Variants in MAGI1 observed in about 807,000 individuals in gnomAD.
MAGI1 encodes the protein membrane associated guanylate kinase, WW and PDZ domain containing 1, also known as membrane-associated guanylate kinase, WW and PDZ domain-containing protein 1.
Under a neutral mutation model 139.9 loss-of-function variants are expected in MAGI1, and 58 were observed. That is an observed-to-expected ratio of 0.41 (90% confidence interval 0.34 to 0.52). MAGI1 has a LOEUF of 0.52. MAGI1 is among the 20% of genes least tolerant of loss of function. The pLI is 0.12. For synonymous variants in MAGI1, 812 were observed against 737.9 expected (o/e 1.10, Z -1.63); for missense variants, 1,874 against 1,901.6 (o/e 0.99, Z 0.27).
At chr3:65,971,557 G>A (rs780247111) in intron 1 of MAGI1, among the ~76,000 whole-genome samples, 6 of 152,144 alleles carry the variant, frequency 3.9e-5, no homozygotes, top group Non-Finnish European at 7.3e-5. Context: ...CCTCCACCCT[G>A]AAAGGAAATA....
chr3:65,753,211 T>C (rs1474795876), intron 1 of MAGI1, among the ~76,000 whole-genome samples: 1 of 152,092 alleles, frequency 6.6e-6, no homozygotes, highest in Admixed American at 6.5e-5. Context: ...ACCACAGGGA[T>C]GCATTGCAAA....
intron 1 of MAGI1, among the ~76,000 whole-genome samples, chr3:65,648,395 C>A (rs151150040): frequency 6.6e-6 from 1 of 152,116 alleles, no homozygotes; most frequent in Non-Finnish European, 1.5e-5. Context: ...AGGGATCTTC[C>A]TGCCTCAGCC....
At chr3:65,995,150 G>C (rs17821881) in intron 1 of MAGI1, among the ~76,000 whole-genome samples, 11,387 of 152,230 alleles carry the variant, frequency 0.075, 594 homozygotes, top group South Asian at 0.12. Context: ...AACTCGGAAG[G>C]AACCGTGATC....
chr3:65,732,813 T>C (rs759919391), intron 1 of MAGI1, among the ~76,000 whole-genome samples: 1 of 152,096 alleles, frequency 6.6e-6, no homozygotes, highest in Non-Finnish European at 1.5e-5. Context: ...TTAAACTATA[T>C]GCTAAGAAGT....
Position 65,793,591 on chromosome 3 carries a change from T to C in MAGI1, c.314-171503A>G, listed in dbSNP as rs973889086. Among the ~76,000 whole-genome samples the C allele has an allele frequency of 3.9e-5, 6 of 152,194 alleles. No individual in the cohort carries two copies. In the East Asian group the frequency reaches 9.6e-4, roughly 24 times the overall value. On this transcript the variant is annotated intron_variant, in intron 1 of 22. Coordinates refer to ENST00000402939, the MANE Select transcript of MAGI1 (RefSeq NM_001033057.2). ...ATAAATTAAAGAATTAGAATAACCA[T>C]TGAGCTCACTTCAAGGGTTGAGCCT...
rs372941378 is a variant in MAGI1 at position 65,707,533 on chromosome 3, T to A, written c.314-85445A>T. 1.5e-3 allele frequency among the ~76,000 whole-genome samples: 228 copies of A among 151,884 alleles called. 1 individual carries two copies. Among genetic ancestry groups the A allele is most frequent in the African/African-American group, 5.1e-3 (212 of 41,414 alleles). Reference sequence around the variant, plus strand: ...GACACTGTCTCTCTAACAAAAAAAATTTTTTAAATAGTCAGGCATGGTTGT... The same window carrying A: ...GACACTGTCTCTCTAACAAAAAAAAATTTTTAAATAGTCAGGCATGGTTGT... On this transcript the variant is annotated intron_variant, in intron 1 of 22. Coordinates refer to ENST00000402939, the MANE Select transcript of MAGI1 (RefSeq NM_001033057.2).
chr3:65,446,665 A>C (rs1948696564), intron 7 of MAGI1, among the ~76,000 whole-genome samples: 1 of 152,204 alleles, frequency 6.6e-6, no homozygotes, highest in East Asian at 1.9e-4. Context: ...TAAGACACTC[A>C]TTTTGTGTCT....
At chr3:65,507,508 T>C (rs1220352462) in intron 2 of MAGI1, among the ~76,000 whole-genome samples, 1 of 152,224 alleles carries the variant, frequency 6.6e-6, no homozygotes, top group Admixed American at 6.5e-5. Context: ...ACTCTGGTGT[T>C]GTTCGTAACA....
chr3:65,651,096 T>C (rs919800998), intron 1 of MAGI1, among the ~76,000 whole-genome samples: 1 of 152,170 alleles, frequency 6.6e-6, no homozygotes, highest in African/African-American at 2.4e-5. Context: ...TTCTGCTAAT[T>C]TATTTTATGA....
At chr3:65,898,615 T>C (rs2061083666) in intron 1 of MAGI1, among the ~76,000 whole-genome samples, 1 of 152,146 alleles carries the variant, frequency 6.6e-6, no homozygotes, top group Non-Finnish European at 1.5e-5. Context: ...CCTATTATTT[T>C]GAAACACTTA....
intron 15 of MAGI1, among the ~76,000 whole-genome samples, chr3:65,382,731 C>T (rs1048098980): frequency 2.8e-4 from 43 of 152,128 alleles, no homozygotes; most frequent in Admixed American, 8.5e-4. Flanking sequence ...AACATGAACT[C>T]GAGTCAGACC....
chr3:65,754,222 T>C (rs12639281), intron 1 of MAGI1, among the ~76,000 whole-genome samples: 40,568 of 151,988 alleles, frequency 0.27, 6,319 homozygotes, highest in East Asian at 0.57. Flanking sequence ...GAATTTTGAT[T>C]ACCGCAACAA....
At chr3:65,466,231 C>G (rs1950164446) in intron 5 of MAGI1, among the ~76,000 whole-genome samples, 1 of 152,140 alleles carries the variant, frequency 6.6e-6, no homozygotes, top group African/African-American at 2.4e-5. Context: ...GCTGTTATCG[C>G]TGTGTTAGTA....
Position 65,356,839 on chromosome 3 carries a change from C to G in MAGI1, c.3928G>C (p.Glu1310Gln). 1.2e-6 allele frequency: 2 copies of G among 1,612,880 alleles called. No individual in the cohort carries two copies. Reference sequence around the variant, plus strand: ...GGGCCGTTGGCGGCTGCCGCGCGCTCGGCCTGCGCGTCCCTCCGTCCCTCC... The same window carrying G: ...GGGCCGTTGGCGGCTGCCGCGCGCTGGGCCTGCGCGTCCCTCCGTCCCTCC... The part of the protein sequence containing the change: ...APEGRRDAQA[E>Q]RAAAANGPKR... The change falls in exon 23 of 23, where the codon GAG (glutamate) becomes CAG (glutamine). Residue 1310 changes from glutamate to glutamine, a missense_variant. Around this residue, in one of 5 missense-constraint regions of MAGI1, gnomAD observed 653 missense variants for 644.5 expected, o/e 1.01. Coordinates refer to ENST00000402939, the MANE Select transcript of MAGI1 (RefSeq NM_001033057.2).
chr3:66,013,427 A>C (rs2107516212), intron 1 of MAGI1, among the ~76,000 whole-genome samples: 1 of 150,736 alleles, frequency 6.6e-6, no homozygotes, highest in Non-Finnish European at 1.5e-5. Flanking sequence ...AAAGAAAAAA[A>C]AAAAAGAACT....
intron 1 of MAGI1, among the ~76,000 whole-genome samples, chr3:66,029,383 T>A (rs2068475157): frequency 6.6e-6 from 1 of 152,174 alleles, no homozygotes; most frequent in African/African-American, 2.4e-5. Flanking sequence ...ATCCTTATTG[T>A]AAGAAGCATA....
At chr3:66,014,367 A>G (rs1332133496) in intron 1 of MAGI1, among the ~76,000 whole-genome samples, 3 of 152,168 alleles carry the variant, frequency 2.0e-5, no homozygotes, top group Non-Finnish European at 4.4e-5. Flanking sequence ...TGATATAACA[A>G]TGGGATCATC....
intron 10 of MAGI1, among the ~76,000 whole-genome samples, chr3:65,431,382 T>G (rs1453972310): frequency 6.6e-6 from 1 of 152,198 alleles, no homozygotes; most frequent in Non-Finnish European, 1.5e-5. Context: ...AAACATATTA[T>G]AGTCACAAAT....
chr3:65,971,128 A>G (rs9882778), intron 1 of MAGI1, among the ~76,000 whole-genome samples: 3,902 of 152,288 alleles, frequency 0.026, 159 homozygotes, highest in African/African-American at 0.088. Context: ...ACTTGAACCC[A>G]GGAGGTAGAG....
Sources: allele counts gnomAD v4.1 joint callset (sites outside exome capture counted in the v4.1 genomes callset), GRCh38; gene constraint gnomAD v4.1.1; regional missense constraint gnomAD v4.1.1; transcripts MANE v1.5; gene names NCBI Gene and HGNC (gene_info 2026-07-23, HGNC 2026-07-21).